The following PTPRK variants were observed in gnomAD, a reference collection of about 807,000 sequenced individuals.
PTPRK encodes receptor-type tyrosine-protein phosphatase kappa.
Under a neutral mutation model 178.0 loss-of-function variants are expected in PTPRK, and 75 were observed. The observed-to-expected ratio is 0.42, with a 90% CI of 0.35 to 0.51. The LOEUF is 0.51. PTPRK is among the 20% of genes least tolerant of loss of function. PTPRK has a pLI of 0.02. For synonymous variants in PTPRK, 637 were observed against 620.6 expected, an observed-to-expected ratio of 1.03 and a Z score of -0.39; for missense variants, 1,441 against 1,797.8, an observed-to-expected ratio of 0.80 and a Z score of 3.59.
intron 1 of PTPRK, among the ~76,000 whole-genome samples, chr6:128,485,995 A>C (rs1462714892): frequency 4.6e-5 from 7 of 152,220 alleles, no homozygotes; most frequent in Non-Finnish European, 8.8e-5. Flanking sequence ...AATTAATGCC[A>C]CTTAAGTAGT....
chr6:128,322,384 T>G, intron 2 of PTPRK, 74 bp from the exon 3 acceptor site: 1 of 1,364,374 alleles, frequency 7.3e-7, no homozygotes, highest in Non-Finnish European at 1.0e-6. Context: ...AAAAATATGC[T>G]AATCCATTCT....
intron 1 of PTPRK, among the ~76,000 whole-genome samples, chr6:128,432,674 A>G (rs1844986963): frequency 6.6e-6 from 1 of 152,018 alleles, no homozygotes; most frequent in Admixed American, 6.6e-5. Flanking sequence ...GAGTCTTTTG[A>G]ACACAGGTAT....
At chr6:128,493,301 G>GC (rs1378542164) in intron 1 of PTPRK, among the ~76,000 whole-genome samples, 3 of 152,152 alleles carry the variant, frequency 2.0e-5, no homozygotes, top group Non-Finnish European at 2.9e-5. Context: ...GGTGGCTCAC[G>GC]CCTGCAATCC....
chr6:128,304,302 A>T (rs954708720), intron 3 of PTPRK, among the ~76,000 whole-genome samples: 4 of 152,224 alleles, frequency 2.6e-5, no homozygotes, highest in Admixed American at 1.3e-4. Context: ...TGAAGGGGGT[A>T]GCATTTAACA....
At chr6:128,514,364 G>C (rs1343088370) in intron 1 of PTPRK, among the ~76,000 whole-genome samples, 1 of 142,262 alleles carries the variant, frequency 7.0e-6, no homozygotes, top group Non-Finnish European at 1.5e-5. Context: ...TCCTAGCATT[G>C]TTAAGATGTG....
intron 7 of PTPRK, among the ~76,000 whole-genome samples, chr6:128,166,417 T>A (rs1340277707): frequency 6.6e-6 from 1 of 151,716 alleles, no homozygotes; most frequent in African/African-American, 2.4e-5. Context: ...ACTTAACTTC[T>A]TTGAGATTCT....
chr6:128,032,766 T>C (rs1775558321), intron 13 of PTPRK, among the ~76,000 whole-genome samples: 1 of 152,104 alleles, frequency 6.6e-6, no homozygotes, highest in South Asian at 2.1e-4. Flanking sequence ...AAGGAGTCAG[T>C]AGCACCTGTC....
chr6:128,494,990 G>A (rs373760477), intron 1 of PTPRK, among the ~76,000 whole-genome samples: 9 of 152,068 alleles, frequency 5.9e-5, no homozygotes, highest in African/African-American at 1.9e-4. Context: ...TCAACTCTCC[G>A]GTATGTGTTC....
chr6:128,500,413 C>A (rs1405703576), intron 1 of PTPRK: 1 of 152,106 alleles, frequency 6.6e-6, no homozygotes. Context: ...GGTAAGCTTT[C>A]CAGCCTTATG....
intron 3 of PTPRK, among the ~76,000 whole-genome samples, chr6:128,262,464 C>T (rs1818315017): frequency 6.6e-6 from 1 of 151,892 alleles, no homozygotes; most frequent in African/African-American, 2.4e-5. Context: ...AAAGAGTGTT[C>T]GACTCCCCAC....
chr6:128,079,031 A>G (rs572715475), intron 10 of PTPRK, 113 bp from the exon 11 acceptor site: 7 of 593,078 alleles, frequency 1.2e-5, no homozygotes, highest in Non-Finnish European at 2.1e-5. Flanking sequence ...CTAATTATCT[A>G]CAACGTATTT....
intron 6 of PTPRK, among the ~76,000 whole-genome samples, chr6:128,207,355 TCTC>T (rs994442001): frequency 5.8e-4 from 88 of 152,272 alleles, no homozygotes; most frequent in African/African-American, 1.8e-3. Context: ...GTGATTGACT[TCTC>T]TTTATTATGG....
chr6:128,238,185 C>CAAAAAAAAAAAAAAAAA (rs58051125), intron 5 of PTPRK: 95 of 206,396 alleles, frequency 4.6e-4, no homozygotes, highest in South Asian at 8.2e-4. Context: ...TAGCAAACGC[C>CAAAAAAAAAAAAAAAAA]AAAAAAAAAA....
At chr6:128,424,638 T>C (rs1843891879) in intron 1 of PTPRK, among the ~76,000 whole-genome samples, 3 of 152,148 alleles carry the variant, frequency 2.0e-5, no homozygotes, top group Non-Finnish European at 4.4e-5. Flanking sequence ...GGCTGGAGGA[T>C]ACTCTTCTAG....
intron 1 of PTPRK, among the ~76,000 whole-genome samples, chr6:128,452,460 T>A (rs1337189488): frequency 6.6e-6 from 1 of 152,142 alleles, no homozygotes; most frequent in Non-Finnish European, 1.5e-5. Context: ...TATGGTAAAA[T>A]TATATACCTA....
chr6:128,118,342 T>C (rs753026146), intron 7 of PTPRK, among the ~76,000 whole-genome samples: 2 of 152,290 alleles, frequency 1.3e-5, no homozygotes, highest in Middle Eastern at 3.4e-3. Flanking sequence ...TGGAAGAAAC[T>C]ATGCATGCAC....
intron 7 of PTPRK, among the ~76,000 whole-genome samples, chr6:128,180,656 T>C (rs1429397232): frequency 6.6e-6 from 1 of 152,132 alleles, no homozygotes; most frequent in Non-Finnish European, 1.5e-5. Flanking sequence ...AAGGATAAAG[T>C]ACTTTTACAC....
At chr6:128,004,419 A>G (rs1013490275) in intron 15 of PTPRK, among the ~76,000 whole-genome samples, 3 of 151,858 alleles carry the variant, frequency 2.0e-5, no homozygotes, top group African/African-American at 7.2e-5. Flanking sequence ...TCTGCTTTTA[A>G]ATGGTACTTC....
intron 6 of PTPRK, among the ~76,000 whole-genome samples, chr6:128,195,166 A>G (rs1285778837): frequency 6.6e-6 from 1 of 151,946 alleles, no homozygotes; most frequent in Non-Finnish European, 1.5e-5. Context: ...AAATTTTAAG[A>G]AATTTGAAAC....
Sources: allele counts gnomAD v4.1 joint callset (sites outside exome capture counted in the v4.1 genomes callset), GRCh38; gene constraint gnomAD v4.1.1; transcripts MANE v1.5; gene names NCBI Gene and HGNC (gene_info 2026-07-23, HGNC 2026-07-21).